ADARB2: variants seen among roughly 807,000 people sequenced by gnomAD.
ADARB2 encodes inactive double-stranded RNA-specific editase B2.
ADARB2 carries 25 observed loss-of-function variants against 62.2 expected under a neutral mutation model. The observed-to-expected ratio is 0.40, with a 90% confidence interval of 0.29 to 0.56. The LOEUF (loss-of-function observed/expected upper bound fraction) is 0.56, where lower values mean the gene tolerates loss of function less well. ADARB2 is among the 20% of genes least tolerant of loss of function. The pLI is 0.43. For synonymous variants in ADARB2, 572 were observed against 500.8 expected, an observed-to-expected ratio of 1.14 and a Z score of -1.90; for missense variants, 1,071 against 1,077.4, an observed-to-expected ratio of 0.99 and a Z score of 0.08.
At chr10:1,269,401 CA>C (rs1364843102) in intron 4 of ADARB2, among the ~76,000 whole-genome samples, 1 of 152,182 alleles carries the variant, frequency 6.6e-6, no homozygotes, top group Admixed American at 6.5e-5. Flanking sequence ...GTATGCCAGG[CA>C]CTGACTAAAT....
At chr10:1,510,088 TC>T (rs1831905290) in intron 1 of ADARB2, among the ~76,000 whole-genome samples, 1 of 149,058 alleles carries the variant, frequency 6.7e-6, no homozygotes, top group African/African-American at 2.5e-5. Context: ...TCTTTCTCTC[TC>T]TCTCTCTTTT....
At chr10:1,681,732 C>G (rs1329652163) in intron 1 of ADARB2, among the ~76,000 whole-genome samples, 4 of 152,206 alleles carry the variant, frequency 2.6e-5, no homozygotes, top group African/African-American at 9.7e-5. Context: ...TCTCAAGCAG[C>G]CCAGTCCAAC....
At chr10:1,298,554 A>C (rs1589183656) in intron 3 of ADARB2, among the ~76,000 whole-genome samples, 2 of 152,282 alleles carry the variant, frequency 1.3e-5, no homozygotes, top group East Asian at 3.9e-4. Context: ...TCATAGAGAC[A>C]GGCAGTAGCC....
At chr10:1,215,336 A>G (rs1837219335) in intron 7 of ADARB2, among the ~76,000 whole-genome samples, 2 of 151,934 alleles carry the variant, frequency 1.3e-5, no homozygotes, top group Admixed American at 6.6e-5. Context: ...GGCTGTGCGC[A>G]CCCTCTCCCT....
At chr10:1,317,063 CAAAAT>C (rs1643753593) in intron 3 of ADARB2, among the ~76,000 whole-genome samples, 2 of 152,202 alleles carry the variant, frequency 1.3e-5, no homozygotes. Context: ...ACTGCCGTGG[CAAAAT>C]AAAATAATTC....
intron 1 of ADARB2, among the ~76,000 whole-genome samples, chr10:1,457,768 CCT>C (rs1195603120): frequency 1.3e-5 from 2 of 152,220 alleles, no homozygotes; most frequent in East Asian, 3.9e-4. Flanking sequence ...TAGATATCCC[CCT>C]GTTTCTAGCC....
intron 4 of ADARB2, among the ~76,000 whole-genome samples, chr10:1,251,158 T>C (rs960981697): frequency 2.0e-5 from 3 of 151,616 alleles, no homozygotes; most frequent in African/African-American, 7.3e-5. Flanking sequence ...TTACCCATAA[T>C]TGCCAAAACT....
At chr10:1,322,515 A>G (rs1831804493) in intron 3 of ADARB2, among the ~76,000 whole-genome samples, 1 of 152,196 alleles carries the variant, frequency 6.6e-6, no homozygotes, top group Non-Finnish European at 1.5e-5. Flanking sequence ...GAATGATGAG[A>G]AAAGAAGAGA....
At chr10:1,504,440 G>A (rs1831809401) in intron 1 of ADARB2, among the ~76,000 whole-genome samples, 2 of 151,098 alleles carry the variant, frequency 1.3e-5, no homozygotes, top group South Asian at 4.2e-4. Flanking sequence ...CTGAGTACAC[G>A]TCTCATTGCA....
intron 1 of ADARB2, among the ~76,000 whole-genome samples, chr10:1,540,016 A>G (rs1467379685): frequency 6.6e-6 from 1 of 152,130 alleles, no homozygotes; most frequent in African/African-American, 2.4e-5. Flanking sequence ...ATTGAATAGC[A>G]CCATTTTACC....
At chr10:1,316,821 G>A (rs144242546) in intron 3 of ADARB2, among the ~76,000 whole-genome samples, 1 of 152,338 alleles carries the variant, frequency 6.6e-6, no homozygotes, top group African/African-American at 2.4e-5. Context: ...CCCTGAGAAG[G>A]AAATACTAAA....
chr10:1,302,382 C>G (rs1831582198), intron 3 of ADARB2, among the ~76,000 whole-genome samples: 1 of 152,220 alleles, frequency 6.6e-6, no homozygotes, highest in Admixed American at 6.5e-5. Context: ...GGTCCTACCC[C>G]ACGGAGTCTC....
At chr10:1,186,561 C>A (rs368479542) in intron 8 of ADARB2, 69 of 519,066 alleles carry the variant, frequency 1.3e-4, no homozygotes, top group African/African-American at 1.2e-3. Context: ...TGCCTCCTCG[C>A]AGATCAGCTC....
chr10:1,662,892 G>C (rs1348724663), intron 1 of ADARB2, among the ~76,000 whole-genome samples: 1 of 152,176 alleles, frequency 6.6e-6, no homozygotes, highest in Non-Finnish European at 1.5e-5. Flanking sequence ...TGGTTTCTAC[G>C]GACCAGACAT....
At chr10:1,270,545 C>G (rs1831251170) in intron 4 of ADARB2, among the ~76,000 whole-genome samples, 1 of 152,128 alleles carries the variant, frequency 6.6e-6, no homozygotes, top group Admixed American at 6.5e-5. Flanking sequence ...CTCAGCATGC[C>G]CCTCGCGGCT....
chr10:1,227,502 G>T (rs939593955), intron 6 of ADARB2, among the ~76,000 whole-genome samples: 2 of 152,198 alleles, frequency 1.3e-5, no homozygotes, highest in African/African-American at 4.8e-5. Context: ...CGTCGCTCAC[G>T]CTGGGAGCTG....
intron 3 of ADARB2, chr10:1,293,046 A>AGAGG (rs1831484856): frequency 1.1e-5 from 1 of 90,952 alleles, no homozygotes; most frequent in African/African-American, 5.5e-5. Flanking sequence ...GAAGAGATGC[A>AGAGG]GAGGGAGGGA....
chr10:1,362,351 T>C (rs1456060208), intron 3 of ADARB2, among the ~76,000 whole-genome samples: 1 of 152,274 alleles, frequency 6.6e-6, no homozygotes, highest in Non-Finnish European at 1.5e-5. Context: ...GCTTCGTTCT[T>C]TCCTTGCTGT....
At chr10:1,553,628 C>T (rs1409713880) in intron 1 of ADARB2, among the ~76,000 whole-genome samples, 1 of 152,188 alleles carries the variant, frequency 6.6e-6, no homozygotes, top group East Asian at 1.9e-4. Context: ...ATCCCGGCTT[C>T]TTCTCTGTTT....
Sources: gnomAD v4.1 joint callset for allele counts (sites outside exome capture counted in the v4.1 genomes callset) on GRCh38, gnomAD v4.1.1 for gene constraint, MANE v1.5 for transcripts, NCBI Gene and HGNC (gene_info 2026-07-23, HGNC 2026-07-21) for gene names.